The following SLC39A9 variants were observed in gnomAD, a reference collection of about 807,000 sequenced individuals.
SLC39A9 encodes the protein solute carrier family 39 member 9.
SLC39A9 carries 14 observed loss-of-function variants against 28.4 expected under a neutral mutation model. That is an observed-to-expected ratio of 0.49 (90% CI 0.33 to 0.77). The LOEUF is 0.77. SLC39A9 is among the 30% of genes least tolerant of loss of function. SLC39A9 has a pLI of 0.02. For synonymous variants in SLC39A9, 119 were observed against 149.6 expected (o/e 0.80, Z 1.49); for missense variants, 283 against 381.1 (o/e 0.74, Z 2.14).
In SLC39A9 at chr14:69,453,074, C is replaced by T. The variant is rs1885690627; in HGVS notation, c.404-167C>T. Reference sequence around the variant, plus strand: ...GATAGTGGCCGGGTGCGGTGGCTCACGCCTATCATCTCAACACTTTGGGAG... The same window carrying T: ...GATAGTGGCCGGGTGCGGTGGCTCATGCCTATCATCTCAACACTTTGGGAG... On this transcript the variant is annotated intron_variant, in intron 3 of 6. Transcript: ENST00000336643. Among the ~76,000 whole-genome samples the T allele has an allele frequency of 2.6e-5, 4 of 152,150 alleles. No homozygotes were observed. The South Asian group carries it at 6.2e-4, about 24-fold the overall frequency.
chr14:69,406,702 A>C (rs551919693), intron 1 of SLC39A9, among the ~76,000 whole-genome samples: 1 of 150,904 alleles, frequency 6.6e-6, no homozygotes, highest in Non-Finnish European at 1.5e-5. Flanking sequence ...AAAAAAAAAA[A>C]GTAGTAGTAC....
chr14:69,453,324 C>T lies in SLC39A9; in HGVS notation c.472+15C>T. ...CCATGCTGCAGGTAGGGTTGGATTG[C>T]AGTGGAACTTCTTTGTTTTCTATCG... is the stretch of plus-strand genomic sequence containing the variant. On this transcript the variant is annotated intron_variant, in intron 4 of 6. Coordinates refer to ENST00000336643, the MANE Select transcript of SLC39A9 (RefSeq NM_018375.5). The T allele has an allele frequency of 1.2e-6, 2 of 1,612,690 alleles. No individual in the cohort carries two copies. The highest frequency in any genetic ancestry group is 2.2e-5 in the South Asian group (2 of 91,062).
chr14:69,417,237 C>T (rs565272872), intron 1 of SLC39A9, among the ~76,000 whole-genome samples: 2 of 152,142 alleles, frequency 1.3e-5, no homozygotes, highest in Non-Finnish European at 2.9e-5. Flanking sequence ...GAATCCTTTC[C>T]CCATTTCTTG....
intron 4 of SLC39A9, among the ~76,000 whole-genome samples, chr14:69,454,360 C>A (rs1056058994): frequency 3.3e-5 from 5 of 152,210 alleles, no homozygotes; most frequent in African/African-American, 4.8e-5. Context: ...AGCTCCACCT[C>A]CCGGGTTTAA....
chr14:69,456,727 G>T (rs1180803032), intron 6 of SLC39A9, among the ~76,000 whole-genome samples: 1 of 152,176 alleles, frequency 6.6e-6, no homozygotes, highest in Non-Finnish European at 1.5e-5. Flanking sequence ...TAGTTGATGG[G>T]AACTGCTTTC....
At chr14:69,420,366 C>T (rs1033093456) in intron 1 of SLC39A9, among the ~76,000 whole-genome samples, 11 of 152,172 alleles carry the variant, frequency 7.2e-5, no homozygotes, top group Non-Finnish European at 1.2e-4. Context: ...CTGAGAGATA[C>T]GCTGTTAGTC....
At chr14:69,447,053 A>G (rs1250935097) in intron 3 of SLC39A9, among the ~76,000 whole-genome samples, 2 of 151,852 alleles carry the variant, frequency 1.3e-5, no homozygotes, top group African/African-American at 4.8e-5. Context: ...AAAAATACTC[A>G]TTTTTGCAAC....
At position 69,459,859 on chromosome 14, in the gene SLC39A9, C is replaced by T; in HGVS notation, c.*1266C>T. 1.0e-6 allele frequency: 1 copy of T among 985,140 alleles called. No homozygotes were observed. Among genetic ancestry groups the T allele is most frequent in the Non-Finnish European group, 1.2e-6 (1 of 829,686 alleles). The allele number at this position is 985,140 out of a possible 1,614,324, so 61.0% of individuals were successfully genotyped here. ...CTTATCAGGACAACCACTTCTCGAA[C>T]TGTAATAATGAAGATAATAATATCT... On this transcript the variant is annotated 3_prime_UTR_variant, in exon 7 of 7. Coordinates refer to ENST00000336643, the MANE Select transcript of SLC39A9 (RefSeq NM_018375.5).
rs1363099117 is a variant in SLC39A9 at position 69,454,338 on chromosome 14, C to A, written c.473-474C>A. Among the ~76,000 whole-genome samples the A allele has an allele frequency of 2.0e-5, 3 of 152,160 alleles. No individual in the cohort carries two copies. The East Asian group carries it at 5.8e-4, about 29-fold the overall frequency. ...GAGGCTGGAGTGCACTGGCACGATT[C>A]GGCTCATTGCAAGCTCCACCTCCCG... On this transcript the variant is annotated intron_variant, in intron 4 of 6. Coordinates refer to ENST00000336643, the MANE Select transcript of SLC39A9 (RefSeq NM_018375.5).
At chr14:69,457,396 T>C (rs1373379050) in intron 6 of SLC39A9, among the ~76,000 whole-genome samples, 3 of 151,676 alleles carry the variant, frequency 2.0e-5, no homozygotes, top group Non-Finnish European at 2.9e-5. Context: ...AGAGACAGGG[T>C]TTCACCATGT....
rs1486229982 is a variant in SLC39A9 at position 69,442,247 on chromosome 14, C to T, written c.384C>T (p.Ser128=). The part of the protein sequence containing the change: ...FMLLVDQIGN[S]HVHSTDDPEA... ...TGCTGGTGGACCAGATTGGTAACTC[C>T]CATGTGCATTCTACTGACGGTGAGT... The change falls in exon 3 of 7, where the codon TCC becomes TCT. Residue 128 remains serine, a synonymous_variant. Coordinates refer to ENST00000336643, the MANE Select transcript of SLC39A9 (RefSeq NM_018375.5). 3 of 1,614,184 alleles carry T rather than the reference C, an allele frequency of 1.9e-6. No homozygotes were observed. The highest frequency in any genetic ancestry group is 2.2e-5 in the East Asian group (1 of 44,884).
chr14:69,415,886 T>TA (rs1407949425), intron 1 of SLC39A9, among the ~76,000 whole-genome samples: 2 of 152,286 alleles, frequency 1.3e-5, no homozygotes, highest in African/African-American at 2.4e-5. Flanking sequence ...GTATCAGAGA[T>TA]AATAGAGCTA....
chr14:69,455,824 A>G lies in SLC39A9; in HGVS notation c.651A>G (p.Ala217=). ...AGCACTTGCTGGTCTTTGCATTGGCAGCACCAGTTATGTCCATGGTGACAT... is the reference window on the plus strand; with the variant it reads ...AGCACTTGCTGGTCTTTGCATTGGCGGCACCAGTTATGTCCATGGTGACAT... ...IRKHLLVFAL[A]APVMSMVTYL... Residue 217 remains alanine, a synonymous_variant, in exon 6 of 7, where the codon GCA becomes GCG. Transcript: ENST00000336643. 1 of 1,614,234 alleles carries G rather than the reference A, an allele frequency of 6.2e-7. No individual in the cohort carries two copies. Among genetic ancestry groups the G allele is most frequent in the Non-Finnish European group, 8.5e-7 (1 of 1,180,040 alleles).
intron 6 of SLC39A9, among the ~76,000 whole-genome samples, chr14:69,458,013 T>C (rs1159998207): frequency 1.3e-5 from 2 of 152,242 alleles, no homozygotes; most frequent in African/African-American, 2.4e-5. Context: ...TCAGATGTTC[T>C]CACCACAAAA....
intron 5 of SLC39A9, among the ~76,000 whole-genome samples, 193 bp from the exon 6 acceptor site, chr14:69,455,539 C>T (rs574983716): frequency 5.9e-4 from 89 of 152,054 alleles, no homozygotes; most frequent in Non-Finnish European, 1.1e-3. Context: ...AGGCTGGTCT[C>T]GAACTCCTGA....
intron 6 of SLC39A9, among the ~76,000 whole-genome samples, chr14:69,456,813 A>T (rs1885885859): frequency 6.6e-6 from 1 of 152,190 alleles, no homozygotes; most frequent in Non-Finnish European, 1.5e-5. Context: ...AACCCATATT[A>T]ATAGGAACAT....
chr14:69,408,403 A>G (rs761458653), intron 1 of SLC39A9, among the ~76,000 whole-genome samples: 1 of 152,228 alleles, frequency 6.6e-6, no homozygotes, highest in Non-Finnish European at 1.5e-5. Flanking sequence ...TGATAGAGGT[A>G]GGTAATGGAT....
intron 1 of SLC39A9, among the ~76,000 whole-genome samples, chr14:69,416,635 T>C (rs1363078873): frequency 6.6e-6 from 1 of 152,212 alleles, no homozygotes; most frequent in African/African-American, 2.4e-5. Context: ...CAGCATCTGT[T>C]GTTTCCTGAC....
chr14:69,416,824 A>AT (rs1203088567), intron 1 of SLC39A9, among the ~76,000 whole-genome samples: 3 of 151,510 alleles, frequency 2.0e-5, no homozygotes, highest in South Asian at 4.2e-4. Flanking sequence ...GGGTTGTTTC[A>AT]TTTTTTCTTG....
Sources: allele counts gnomAD v4.1 joint callset (sites outside exome capture counted in the v4.1 genomes callset), GRCh38; gene constraint gnomAD v4.1.1; transcripts MANE v1.5; gene names NCBI Gene and HGNC (gene_info 2026-07-23, HGNC 2026-07-21).